The following PIK3C2A variants were observed in gnomAD, a reference collection of about 807,000 sequenced individuals.
PIK3C2A encodes phosphatidylinositol-4-phosphate 3-kinase catalytic subunit type 2 alpha.
In PIK3C2A, 97 loss-of-function variants were observed where a neutral mutation model predicts 204.5. The observed-to-expected ratio is 0.47, with a 90% confidence interval of 0.40 to 0.56. The LOEUF is 0.56. Among genes scored for constraint, PIK3C2A ranks in the 20% least tolerant of loss-of-function variants. PIK3C2A has a pLI of 0.00. For synonymous variants in PIK3C2A, 653 were observed against 664.4 expected, an observed-to-expected ratio of 0.98 and a Z score of 0.26; for missense variants, 1,735 against 1,969.2, an observed-to-expected ratio of 0.88 and a Z score of 2.25.
intron 6 of PIK3C2A, among the ~76,000 whole-genome samples, chr11:17,146,740 A>C (rs767192316): frequency 1.9e-4 from 29 of 151,998 alleles, no homozygotes; most frequent in Admixed American, 5.2e-4. Context: ...AAAAAAAAGA[A>C]CATCATTCCT....
intron 11 of PIK3C2A, among the ~76,000 whole-genome samples, chr11:17,133,296 G>A (rs1849761736): frequency 6.6e-6 from 1 of 151,928 alleles, no homozygotes; most frequent in African/African-American, 2.4e-5. Flanking sequence ...TATGGAGAAT[G>A]TGAAGATTAT....
intron 25 of PIK3C2A, 69 bp downstream of exon 25, chr11:17,101,209 T>C: frequency 1.1e-6 from 1 of 895,610 alleles, no homozygotes; most frequent in Non-Finnish European, 1.6e-6. Context: ...CACAAAATAA[T>C]CTTTTTTAAG....
chr11:17,122,425 AT>A (rs1458922788), intron 14 of PIK3C2A, 92 bp from the exon 15 acceptor site: 11 of 764,506 alleles, frequency 1.4e-5, no homozygotes, highest in Non-Finnish European at 2.2e-5. Flanking sequence ...TTTCTTAGCA[AT>A]CGGGGCATAT....
At chr11:17,106,521 A>C (rs909510534) in intron 22 of PIK3C2A, among the ~76,000 whole-genome samples, 52 of 152,248 alleles carry the variant, frequency 3.4e-4, no homozygotes, top group Non-Finnish European at 7.5e-4. Context: ...GAGACTCTCT[A>C]GTCTGTACAT....
intron 23 of PIK3C2A, among the ~76,000 whole-genome samples, chr11:17,104,650 A>T (rs562660097): frequency 1.4e-5 from 2 of 146,094 alleles, no homozygotes; most frequent in Non-Finnish European, 3.0e-5. Flanking sequence ...GCGTGAACCC[A>T]GGAGGCGGAG....
At chr11:17,187,183 G>A (rs1231352206) in intron 1 of PIK3C2A, among the ~76,000 whole-genome samples, 1 of 152,090 alleles carries the variant, frequency 6.6e-6, no homozygotes, top group Non-Finnish European at 1.5e-5. Flanking sequence ...AATGTGTAGA[G>A]TGAAGATAAA....
intron 3 of PIK3C2A, among the ~76,000 whole-genome samples, chr11:17,154,435 A>G (rs1486470293): frequency 6.6e-6 from 1 of 152,208 alleles, no homozygotes; most frequent in Non-Finnish European, 1.5e-5. Flanking sequence ...GTTCTTTAAC[A>G]TTAAAATAAT....
intron 1 of PIK3C2A, among the ~76,000 whole-genome samples, chr11:17,197,023 G>A (rs1852185379): frequency 6.6e-6 from 1 of 151,996 alleles, no homozygotes; most frequent in Admixed American, 6.6e-5. Context: ...GCCTGGCCAG[G>A]CACGGGGCCT....
intron 1 of PIK3C2A, among the ~76,000 whole-genome samples, chr11:17,189,579 GTTTTTAGTATA>G (rs1441452329): frequency 1.5e-5 from 2 of 131,558 alleles, no homozygotes; most frequent in Non-Finnish European, 3.0e-5. Context: ...ATATTCAGTT[GTTTTTAGTATA>G]TTTTTAGTAT....
At chr11:17,186,010 C>A (rs1851738966) in intron 1 of PIK3C2A, among the ~76,000 whole-genome samples, 1 of 152,166 alleles carries the variant, frequency 6.6e-6, no homozygotes, top group Non-Finnish European at 1.5e-5. Flanking sequence ...CCACCAGGCA[C>A]ACTAATATTT....
chr11:17,118,583 G>C, intron 18 of PIK3C2A, 62 bp downstream of exon 18: 1 of 765,118 alleles, frequency 1.3e-6, no homozygotes, highest in Non-Finnish European at 2.3e-6. Flanking sequence ...GACTTACAGG[G>C]TATGCCATTT....
Position 17,094,346 on chromosome 11 carries a change from G to T in PIK3C2A, c.4366C>A (p.Pro1456Thr), listed in dbSNP as rs1380144329. Residue 1456 changes from proline to threonine, a missense_variant, in exon 28 of 33, where the codon CCA (proline) becomes ACA (threonine). By Grantham distance (38) the Pro-to-Thr change is conservative. Coordinates refer to ENST00000691414, the MANE Select transcript of PIK3C2A (RefSeq NM_002645.4). ...TCAAATGTTCGGAAGACAAATGATG[G>T]TTCAATCTGTCCTTCCCTCAAAATT... ...VRILREGQIEPSFVFRTFDEF... is the reference protein window; with the variant it reads ...VRILREGQIETSFVFRTFDEF... 1 of 1,608,246 alleles carries T rather than the reference G, an allele frequency of 6.2e-7. No homozygotes were observed. Among genetic ancestry groups the T allele is most frequent in the Non-Finnish European group, 8.5e-7 (1 of 1,174,652 alleles).
chr11:17,126,228 T>C (rs1431059333), intron 13 of PIK3C2A, among the ~76,000 whole-genome samples: 2 of 152,204 alleles, frequency 1.3e-5, no homozygotes, highest in Non-Finnish European at 2.9e-5. Flanking sequence ...ATTCTGTTTA[T>C]ATGCCAGTTT....
intron 10 of PIK3C2A, 41 bp from the exon 11 acceptor site, chr11:17,135,070 G>A (rs373460000): frequency 6.2e-5 from 100 of 1,611,926 alleles, no homozygotes; most frequent in Non-Finnish European, 8.3e-5. Flanking sequence ...TCTCTGAAAA[G>A]GCGATGATTA....
intron 8 of PIK3C2A, among the ~76,000 whole-genome samples, 192 bp downstream of exon 8, chr11:17,145,476 T>C (rs1201817283): frequency 6.6e-6 from 1 of 152,222 alleles, no homozygotes; most frequent in South Asian, 2.1e-4. Flanking sequence ...TCTTCCATGA[T>C]TTAAGTTTCC....
rs1342952123 is a variant in PIK3C2A, at chr11:17,143,442, A to G, written c.1704+2226T>C. 3.3e-5 allele frequency among the ~76,000 whole-genome samples: 5 copies of G among 152,188 alleles called. No homozygotes were observed. In the East Asian group the frequency reaches 5.8e-4, roughly 18 times the overall value. ...CAGAGTGATTTCAGATCACAGGACT[A>G]AACAATTCACCCAACCCACCCTAGG... On this transcript the variant is annotated intron_variant, in intron 8 of 32. Transcript: ENST00000691414.
At chr11:17,147,430 T>C (rs1850276243) in intron 6 of PIK3C2A, 87 bp downstream of exon 6, 2 of 721,036 alleles carry the variant, frequency 2.8e-6, no homozygotes, top group Non-Finnish European at 2.4e-6. Context: ...TATGAAATCA[T>C]GAAAAATGTA....
In PIK3C2A at chr11:17,169,611, T is replaced by C. The variant is rs1241122760; in HGVS notation, c.131A>G (p.Lys44Arg). ...CTGATTGTCAGTCACTTGTCTATCC[T>C]TTTGCAGTTTTGCTAAAGCCTCTGC... The part of the protein sequence containing the change: ...MEAEALAKLQ[K>R]DRQVTDNQRG... Residue 44 changes from lysine to arginine, a missense_variant, in exon 2 of 33, where the codon AAG (lysine) becomes AGG (arginine). Around this residue, in one of 6 missense-constraint regions of PIK3C2A, gnomAD observed 536 missense variants for 546.7 expected, o/e 0.98. Coordinates refer to ENST00000691414, the MANE Select transcript of PIK3C2A (RefSeq NM_002645.4). The C allele has an allele frequency of 6.2e-7, 1 of 1,614,072 alleles. No individual in the cohort carries two copies. Among genetic ancestry groups the C allele is most frequent in the Admixed American group, 1.7e-5 (1 of 60,026 alleles).
chr11:17,154,002 T>C (rs1001515131), intron 3 of PIK3C2A, among the ~76,000 whole-genome samples: 1 of 152,240 alleles, frequency 6.6e-6, no homozygotes, highest in Non-Finnish European at 1.5e-5. Context: ...GCAGTCATAG[T>C]CTACTAATGA....
Sources: allele counts gnomAD v4.1 joint callset (sites outside exome capture counted in the v4.1 genomes callset), GRCh38; gene constraint gnomAD v4.1.1; regional missense constraint gnomAD v4.1.1; transcripts MANE v1.5; gene names NCBI Gene and HGNC (gene_info 2026-07-23, HGNC 2026-07-21).